SLC24A3: variants seen among roughly 807,000 people sequenced by gnomAD.
SLC24A3 encodes the protein solute carrier family 24 member 3, also known as sodium/potassium/calcium exchanger 3.
A neutral mutation model predicts 75.8 loss-of-function variants in SLC24A3; 28 were observed. The ratio of observed to expected loss-of-function variants is 0.37; its 90% CI spans 0.27 to 0.51. SLC24A3 has a LOEUF of 0.51. SLC24A3 is among the 20% of genes least tolerant of loss of function. SLC24A3 has a pLI of 0.94. For missense variants in SLC24A3, 663 were observed against 847.8 expected, an observed-to-expected ratio of 0.78 and a Z score of 2.71; for synonymous variants, 372 against 334.1, an observed-to-expected ratio of 1.11 and a Z score of -1.24.
intron 9 of SLC24A3, among the ~76,000 whole-genome samples, chr20:19,679,537 G>GA (rs2032583225): frequency 6.8e-6 from 1 of 146,492 alleles, no homozygotes; most frequent in Admixed American, 6.7e-5. Context: ...AGACCGTGGG[G>GA]AGGGGGAGAG....
chr20:19,439,481 C>G (rs1987263547), intron 2 of SLC24A3, among the ~76,000 whole-genome samples: 2 of 152,152 alleles, frequency 1.3e-5, no homozygotes, highest in Non-Finnish European at 1.5e-5. Context: ...GTTCCTGTCT[C>G]AGAAGTATAT....
intron 14 of SLC24A3, 124 bp downstream of exon 14, chr20:19,697,035 G>C: frequency 3.6e-6 from 2 of 551,702 alleles, no homozygotes. Flanking sequence ...AGAAGAGAAG[G>C]AAAGAGGGAG....
chr20:19,444,279 A>G (rs923466677), intron 2 of SLC24A3, among the ~76,000 whole-genome samples: 2 of 152,174 alleles, frequency 1.3e-5, no homozygotes, highest in African/African-American at 2.4e-5. Context: ...CATGAGACAT[A>G]TTAGTCTGTA....
intron 2 of SLC24A3, among the ~76,000 whole-genome samples, chr20:19,430,793 C>T (rs957258392): frequency 4.1e-5 from 6 of 145,622 alleles, no homozygotes; most frequent in Non-Finnish European, 8.8e-5. Flanking sequence ...CACACACAGG[C>T]ACTTGCACTC....
At chr20:19,300,612 A>G (rs993358849) in intron 2 of SLC24A3, among the ~76,000 whole-genome samples, 2 of 152,190 alleles carry the variant, frequency 1.3e-5, no homozygotes, top group Admixed American at 1.3e-4. Context: ...TCATTGTCAC[A>G]CGGCTAAAGA....
chr20:19,240,615 T>C (rs1003270463), intron 1 of SLC24A3, among the ~76,000 whole-genome samples: 2 of 152,118 alleles, frequency 1.3e-5, no homozygotes, highest in African/African-American at 4.8e-5. Flanking sequence ...TCACCCACTG[T>C]CTCTGGTTAG....
At chr20:19,229,140 G>A (rs1391885715) in intron 1 of SLC24A3, among the ~76,000 whole-genome samples, 5 of 150,938 alleles carry the variant, frequency 3.3e-5, no homozygotes, top group Non-Finnish European at 5.9e-5. Flanking sequence ...TAATATTTTA[G>A]AAATGAACAA....
intron 2 of SLC24A3, among the ~76,000 whole-genome samples, chr20:19,378,026 C>T (rs889912841): frequency 5.3e-5 from 8 of 152,210 alleles, no homozygotes; most frequent in African/African-American, 1.9e-4. Flanking sequence ...AGTGTTTACT[C>T]TCTATCCCTT....
intron 8 of SLC24A3, among the ~76,000 whole-genome samples, chr20:19,672,549 C>T (rs1245920024): frequency 6.6e-6 from 1 of 152,046 alleles, no homozygotes; most frequent in Non-Finnish European, 1.5e-5. Context: ...GTTGCTCAGG[C>T]TGTTCTGGAA....
chr20:19,575,254 CAAAAAAAAAAA>C (rs34789411), intron 3 of SLC24A3, among the ~76,000 whole-genome samples: 13,019 of 73,086 alleles, frequency 0.18, 803 homozygotes, highest in African/African-American at 0.25. Flanking sequence ...GAGACACTCT[CAAAAAAAAAAA>C]AAAAAAAAAA....
At chr20:19,366,500 C>A (rs1985893791) in intron 2 of SLC24A3, among the ~76,000 whole-genome samples, 1 of 152,150 alleles carries the variant, frequency 6.6e-6, no homozygotes, top group Non-Finnish European at 1.5e-5. Context: ...TCTCTCATCT[C>A]CCACTGCTTC....
rs114886401 is a variant in SLC24A3 at position 19,662,344 on chromosome 20, G to A, written c.688-3520G>A. ...GGAGGTCCGTCAAGTGCAACTCATC[G>A]TTGAGGACAGAGTGTTGACCCCAGG... On this transcript the variant is annotated intron_variant, in intron 7 of 16. Transcript: ENST00000328041. Among the ~76,000 whole-genome samples the A allele has an allele frequency of 2.8e-3, 433 of 152,342 alleles. 1 individual carries two copies. Among genetic ancestry groups the A allele is most frequent in the African/African-American group, 1.0e-2 (414 of 41,586 alleles).
chr20:19,550,642 C>G (rs780827420), intron 3 of SLC24A3, among the ~76,000 whole-genome samples: 15 of 152,120 alleles, frequency 9.9e-5, no homozygotes, highest in African/African-American at 3.6e-4. Context: ...ACTAGGTTTT[C>G]GGCCAAGATA....
intron 2 of SLC24A3, among the ~76,000 whole-genome samples, chr20:19,504,127 A>G (rs1379195283): frequency 6.6e-6 from 1 of 152,240 alleles, no homozygotes; most frequent in East Asian, 1.9e-4. Flanking sequence ...AATCATTAGC[A>G]GTCAAGCAAT....
chr20:19,670,466 C>T (rs1228695152), intron 8 of SLC24A3, among the ~76,000 whole-genome samples: 2 of 152,170 alleles, frequency 1.3e-5, no homozygotes, highest in African/African-American at 4.8e-5. Flanking sequence ...AATATTGCAA[C>T]AGAAGGGCTT....
At chr20:19,711,348 CCA>C (rs762371720) in intron 15 of SLC24A3, among the ~76,000 whole-genome samples, 15 of 150,330 alleles carry the variant, frequency 1.0e-4, no homozygotes, top group Non-Finnish European at 1.8e-4. Flanking sequence ...TGCAAACATA[CCA>C]CACACATGCA....
intron 15 of SLC24A3, among the ~76,000 whole-genome samples, chr20:19,700,206 C>T (rs2032854825): frequency 1.3e-5 from 2 of 152,162 alleles, no homozygotes; most frequent in Non-Finnish European, 2.9e-5. Context: ...ACTGGAGTAG[C>T]CCAACACGGG....
intron 2 of SLC24A3, among the ~76,000 whole-genome samples, chr20:19,361,466 A>G (rs546225733): frequency 6.6e-6 from 1 of 152,334 alleles, no homozygotes; most frequent in East Asian, 1.9e-4. Flanking sequence ...TGTAGAAAGT[A>G]GGATCCTAAG....
chr20:19,713,609 C>T (rs756891949), intron 15 of SLC24A3, among the ~76,000 whole-genome samples: 19 of 152,028 alleles, frequency 1.2e-4, no homozygotes, highest in Non-Finnish European at 2.1e-4. Flanking sequence ...TAAAGTCAGA[C>T]GTGGTTCCTA....
Sources: allele counts gnomAD v4.1 joint callset (sites outside exome capture counted in the v4.1 genomes callset), GRCh38; gene constraint gnomAD v4.1.1; transcripts MANE v1.5; gene names NCBI Gene and HGNC (gene_info 2026-07-23, HGNC 2026-07-21).